NPAS2: variants seen among roughly 807,000 people sequenced by gnomAD.
NPAS2 encodes neuronal PAS domain protein 2.
NPAS2 carries 23 observed loss-of-function variants against 107.5 expected under a neutral mutation model. The observed-to-expected ratio is 0.21, with a 90% CI of 0.15 to 0.30. The LOEUF is 0.30. Among genes scored for constraint, NPAS2 ranks in the 10% least tolerant of loss-of-function variants. NPAS2 has a pLI of 1.00. For missense variants in NPAS2, 756 were observed against 1,043.3 expected (o/e 0.72, Z 3.79); for synonymous variants, 403 against 417.5 (o/e 0.97, Z 0.42).
At chr2:100,885,529 C>G (rs1680647864) in intron 1 of NPAS2, among the ~76,000 whole-genome samples, 1 of 152,064 alleles carries the variant, frequency 6.6e-6, no homozygotes, top group African/African-American at 2.4e-5. Flanking sequence ...ATTTAGGGTA[C>G]TCTGGGAATT....
intron 1 of NPAS2, among the ~76,000 whole-genome samples, chr2:100,831,819 A>AT (rs1391878115): frequency 1.0e-5 from 1 of 99,918 alleles, no homozygotes; most frequent in African/African-American, 4.8e-5. Context: ...GGACCCCTGG[A>AT]TTTGGATCCA....
intron 1 of NPAS2, among the ~76,000 whole-genome samples, chr2:100,880,035 A>C (rs1039391928): frequency 2.6e-5 from 4 of 152,248 alleles, no homozygotes; most frequent in African/African-American, 9.6e-5. Flanking sequence ...GGGGGGGACA[A>C]GATCACTCTG....
chr2:100,984,247 G>A, intron 16 of NPAS2: 1 of 152,184 alleles, frequency 6.6e-6, no homozygotes, highest in African/African-American at 2.4e-5. Context: ...ATTTCCTCAA[G>A]GAGCCTGCCT....
intron 7 of NPAS2, among the ~76,000 whole-genome samples, chr2:100,958,285 G>A (rs1273320738): frequency 6.6e-6 from 1 of 152,174 alleles, no homozygotes; most frequent in Non-Finnish European, 1.5e-5. Context: ...TATGTTCCGT[G>A]GGATTTCTGG....
chr2:100,944,978 T>C (rs1315006852), intron 5 of NPAS2, among the ~76,000 whole-genome samples: 1 of 152,186 alleles, frequency 6.6e-6, no homozygotes, highest in Non-Finnish European at 1.5e-5. Flanking sequence ...TAGTTTTCAT[T>C]TTCAAGTATT....
At chr2:100,975,953 C>A (rs189996720) in intron 14 of NPAS2, among the ~76,000 whole-genome samples, 1 of 152,300 alleles carries the variant, frequency 6.6e-6, no homozygotes, top group Non-Finnish European at 1.5e-5. Flanking sequence ...AAATGTACCT[C>A]TGCACATATC....
chr2:100,825,393 T>C (rs1050020494), intron 1 of NPAS2, among the ~76,000 whole-genome samples: 5 of 152,246 alleles, frequency 3.3e-5, no homozygotes, highest in Admixed American at 6.5e-5. Context: ...GTGTTTTTTC[T>C]ATGCATTGAA....
intron 2 of NPAS2, among the ~76,000 whole-genome samples, chr2:100,914,852 T>G (rs757202532): frequency 1.3e-5 from 2 of 152,160 alleles, no homozygotes; most frequent in Non-Finnish European, 2.9e-5. Flanking sequence ...GAAACAGCCA[T>G]TTGAGGACCC....
chr2:100,860,831 C>T (rs941358759), intron 1 of NPAS2, among the ~76,000 whole-genome samples: 2 of 152,050 alleles, frequency 1.3e-5, no homozygotes, highest in Admixed American at 6.6e-5. Context: ...CTGTACTTTC[C>T]TTCCTCCCCA....
chr2:100,873,044 T>C (rs1161766244), intron 1 of NPAS2, among the ~76,000 whole-genome samples: 1 of 151,864 alleles, frequency 6.6e-6, no homozygotes, highest in Non-Finnish European at 1.5e-5. Flanking sequence ...GTCTCATGCC[T>C]GTAACCCTAG....
Position 100,995,911 on chromosome 2 carries a change from C to G in NPAS2, c.*329C>G. On this transcript the variant is annotated 3_prime_UTR_variant, in exon 21 of 21. Coordinates refer to ENST00000335681, the MANE Select transcript of NPAS2 (RefSeq NM_002518.4). ...CTCGCTGCATCCCCCGAGAGTACAC[C>G]GGTTGCTCTAGCCACCTGCGGCCCG... 7.0e-7 allele frequency: 1 copy of G among 1,429,464 alleles called. No homozygotes were observed. Among genetic ancestry groups the G allele is most frequent in the Non-Finnish European group, 9.3e-7 (1 of 1,076,920 alleles). The allele number at this position is 1,429,464 out of a possible 1,614,324, so 88.5% of individuals were successfully genotyped here. A position where few individuals can be genotyped will look rare whatever the true frequency, so the allele number is the denominator to read the frequency against.
At chr2:100,852,659 A>G (rs1397139372) in intron 1 of NPAS2, among the ~76,000 whole-genome samples, 4 of 152,152 alleles carry the variant, frequency 2.6e-5, no homozygotes, top group Non-Finnish European at 5.9e-5. Context: ...CACTGCAGGA[A>G]GGGATTCATG....
chr2:100,984,922 G>A (rs1677691786), intron 16 of NPAS2: 2 of 151,942 alleles, frequency 1.3e-5, no homozygotes, highest in South Asian at 4.2e-4. Context: ...AAGGGCTGTT[G>A]GTGTTTGCAC....
intron 20 of NPAS2, chr2:100,994,492 A>G (rs549928406): frequency 6.6e-6 from 1 of 152,392 alleles, no homozygotes; most frequent in South Asian, 2.1e-4. Context: ...GTTTGCATGC[A>G]CCTGTTGCAG....
chr2:100,934,831 C>T, intron 4 of NPAS2: 1 of 985,464 alleles, frequency 1.0e-6, no homozygotes, highest in Non-Finnish European at 1.2e-6. Flanking sequence ...GGTCTCTCTC[C>T]AGCTGCCCAT....
intron 15 of NPAS2, among the ~76,000 whole-genome samples, chr2:100,979,890 T>TCCCACTTCATGTGAAATA (rs771914809): frequency 3.3e-5 from 5 of 152,168 alleles, no homozygotes; most frequent in Non-Finnish European, 7.3e-5. Context: ...ACACAGTTCT[T>TCCCACTTCATGTGAAATA]CCCACTTCAT....
At chr2:100,940,392 T>C (rs182936096) in intron 5 of NPAS2, among the ~76,000 whole-genome samples, 187 of 152,380 alleles carry the variant, frequency 1.2e-3, no homozygotes, top group African/African-American at 4.4e-3. Flanking sequence ...CTATTAAATA[T>C]CACTCCTTGT....
At chr2:100,895,105 C>T (rs1281631268) in intron 1 of NPAS2, among the ~76,000 whole-genome samples, 2 of 120,046 alleles carry the variant, frequency 1.7e-5, no homozygotes, top group South Asian at 2.9e-4. Flanking sequence ...GTCCATCATG[C>T]GTACACACAC....
At chr2:100,985,393 G>C (rs1677723644) in intron 16 of NPAS2, 1 of 152,398 alleles carries the variant, frequency 6.6e-6, no homozygotes, top group Admixed American at 6.5e-5. Flanking sequence ...CAGGCACGTG[G>C]TTAAGCACTG....
Sources: allele counts gnomAD v4.1 joint callset (sites outside exome capture counted in the v4.1 genomes callset), GRCh38; gene constraint gnomAD v4.1.1; transcripts MANE v1.5; gene names NCBI Gene and HGNC (gene_info 2026-07-23, HGNC 2026-07-21).